Variants in SLC4A4 observed in about 807,000 individuals in gnomAD.
SLC4A4 encodes the protein solute carrier family 4 member 4.
A neutral mutation model predicts 111.5 loss-of-function variants in SLC4A4; 27 were observed. The ratio of observed to expected loss-of-function variants is 0.24; its 90% CI spans 0.18 to 0.33. SLC4A4 has a LOEUF of 0.33. SLC4A4 is among the 10% of genes least tolerant of loss of function. The pLI is 1.00. For synonymous variants in SLC4A4, 443 were observed against 463.4 expected (o/e 0.96, Z 0.57); for missense variants, 909 against 1,315.5 (o/e 0.69, Z 4.78).
intron 1 of SLC4A4, among the ~76,000 whole-genome samples, chr4:71,082,992 T>C (rs941963032): frequency 6.6e-6 from 1 of 152,068 alleles, no homozygotes; most frequent in African/African-American, 2.4e-5. Flanking sequence ...TAGCTGGGAT[T>C]ACAGGCGCAT....
intron 4 of SLC4A4, among the ~76,000 whole-genome samples, chr4:71,343,693 A>G (rs1729072451): frequency 6.6e-6 from 1 of 152,202 alleles, no homozygotes; most frequent in African/African-American, 2.4e-5. Context: ...ACTCTAGTTC[A>G]TCCCATCATT....
chr4:71,378,165 C>A (rs1030227663), intron 6 of SLC4A4, among the ~76,000 whole-genome samples: 1 of 152,232 alleles, frequency 6.6e-6, no homozygotes, highest in South Asian at 2.1e-4. Flanking sequence ...GGGACACAGC[C>A]AAATCATACC....
At chr4:71,461,250 G>A (rs966383109) in intron 12 of SLC4A4, among the ~76,000 whole-genome samples, 1 of 152,006 alleles carries the variant, frequency 6.6e-6, no homozygotes, top group African/African-American at 2.4e-5. Flanking sequence ...ATCATTTGAT[G>A]CCACCTTTAT....
intron 3 of SLC4A4, among the ~76,000 whole-genome samples, chr4:71,327,659 C>G (rs1727612817): frequency 6.6e-6 from 1 of 151,862 alleles, no homozygotes; most frequent in African/African-American, 2.4e-5. Flanking sequence ...AGCATTTCCC[C>G]TACTATGTAT....
intron 16 of SLC4A4, among the ~76,000 whole-genome samples, chr4:71,521,931 C>A (rs1732970179): frequency 6.6e-6 from 1 of 152,180 alleles, no homozygotes; most frequent in South Asian, 2.1e-4. Context: ...GCTCCCATTA[C>A]CTTTGCTGAG....
At chr4:71,180,763 AT>A (rs1745261661) in intron 2 of SLC4A4, among the ~76,000 whole-genome samples, 1 of 152,146 alleles carries the variant, frequency 6.6e-6, no homozygotes, top group Non-Finnish European at 1.5e-5. Flanking sequence ...GACTAAACTA[AT>A]TCAACCATTG....
intron 1 of SLC4A4, among the ~76,000 whole-genome samples, chr4:71,206,444 G>A (rs1717771336): frequency 6.6e-6 from 1 of 152,046 alleles, no homozygotes; most frequent in South Asian, 2.1e-4. Context: ...AAAATGTTAA[G>A]AATTATTGGC....
At chr4:71,350,425 T>A (rs1729719438) in intron 5 of SLC4A4, among the ~76,000 whole-genome samples, 1 of 152,080 alleles carries the variant, frequency 6.6e-6, no homozygotes, top group Non-Finnish European at 1.5e-5. Flanking sequence ...TTGCCCAGGC[T>A]GGAGTGCAGT....
intron 3 of SLC4A4, among the ~76,000 whole-genome samples, chr4:71,301,875 T>A (rs1725290709): frequency 6.6e-6 from 1 of 152,232 alleles, no homozygotes. Context: ...TCTCGAGAAA[T>A]GCCAGGTCCT....
intron 2 of SLC4A4, among the ~76,000 whole-genome samples, chr4:71,254,379 C>T (rs1290290922): frequency 6.6e-6 from 1 of 152,096 alleles, no homozygotes; most frequent in East Asian, 1.9e-4. Context: ...CTCCTTCCAT[C>T]TAGAGAGCTG....
chr4:71,127,677 A>G (rs1015258236), intron 2 of SLC4A4, among the ~76,000 whole-genome samples: 1 of 152,242 alleles, frequency 6.6e-6, no homozygotes, highest in Non-Finnish European at 1.5e-5. Context: ...TTCACTTTTT[A>G]AGATATGTTA....
intron 5 of SLC4A4, among the ~76,000 whole-genome samples, chr4:71,355,174 G>T (rs550911335): frequency 6.6e-6 from 1 of 152,304 alleles, no homozygotes; most frequent in South Asian, 2.1e-4. Flanking sequence ...ATTGGTTTGA[G>T]ATTTCAAGGG....
chr4:71,159,072 TAG>T (rs908471981), intron 2 of SLC4A4, among the ~76,000 whole-genome samples: 5 of 152,046 alleles, frequency 3.3e-5, no homozygotes, highest in African/African-American at 9.7e-5. Context: ...AAAAGAAAAA[TAG>T]AGACACAAAT....
At chr4:71,381,091 CT>C (rs1475904200) in intron 6 of SLC4A4, among the ~76,000 whole-genome samples, 2 of 152,170 alleles carry the variant, frequency 1.3e-5, no homozygotes, top group Non-Finnish European at 2.9e-5. Context: ...GAGCCATTCA[CT>C]GTGATGCAAG....
chr4:71,271,492 A>AC lies in SLC4A4; in HGVS notation c.253+16095dup, dbSNP rs1276266735. 3.9e-5 allele frequency among the ~76,000 whole-genome samples: 6 copies of AC among 152,362 alleles called. No homozygotes were observed. The East Asian group carries it at 1.2e-3, about 29-fold the overall frequency. On this transcript the variant is annotated intron_variant, in intron 3 of 25. Transcript: ENST00000264485. ...AAATATGGGTGGAAATAGAAACCAA[A>AC]CCAGGGAGAACACACAATATCCAGA... is the stretch of plus-strand genomic sequence containing the variant.
intron 2 of SLC4A4, among the ~76,000 whole-genome samples, chr4:71,112,299 C>A (rs115894634): frequency 6.6e-6 from 1 of 152,178 alleles, no homozygotes; most frequent in Non-Finnish European, 1.5e-5. Flanking sequence ...TCTCTATTTG[C>A]GTCATAGGAG....
chr4:71,352,822 A>C (rs187706282), intron 5 of SLC4A4, among the ~76,000 whole-genome samples: 1 of 152,226 alleles, frequency 6.6e-6, no homozygotes, highest in South Asian at 2.1e-4. Flanking sequence ...CAGTGACTTC[A>C]TGAACGGGAG....
intron 2 of SLC4A4, among the ~76,000 whole-genome samples, chr4:71,143,995 GGT>G (rs1239565452): frequency 1.3e-5 from 2 of 152,100 alleles, no homozygotes; most frequent in Admixed American, 1.3e-4. Context: ...CATTGCTTTT[GGT>G]GTTTTAGTCA....
At chr4:71,394,549 T>C (rs1477861087) in intron 6 of SLC4A4, among the ~76,000 whole-genome samples, 1 of 152,110 alleles carries the variant, frequency 6.6e-6, no homozygotes, top group African/African-American at 2.4e-5. Context: ...TCTACACTGC[T>C]GAGGGGAATG....
Sources: gnomAD v4.1 joint callset for allele counts (sites outside exome capture counted in the v4.1 genomes callset) on GRCh38, gnomAD v4.1.1 for gene constraint, MANE v1.5 for transcripts, NCBI Gene and HGNC (gene_info 2026-07-23, HGNC 2026-07-21) for gene names.